Variants in CTNND1 observed in about 807,000 individuals in gnomAD.
CTNND1 encodes catenin delta 1.
A neutral mutation model predicts 112.1 loss-of-function variants in CTNND1; 16 were observed. The ratio of observed to expected loss-of-function variants is 0.14; its 90% CI spans 0.10 to 0.22. CTNND1 has a LOEUF of 0.22. Among genes scored for constraint, CTNND1 ranks in the 10% least tolerant of loss-of-function variants. The pLI, the probability that CTNND1 is intolerant of heterozygous loss-of-function variation, is 1.00. For missense variants in CTNND1, 1,008 were observed against 1,257.0 expected, an observed-to-expected ratio of 0.80 and a Z score of 3.00; for synonymous variants, 420 against 446.5, an observed-to-expected ratio of 0.94 and a Z score of 0.75.
intron 8 of CTNND1, chr11:57,804,114 G>A: frequency 4.5e-6 from 1 of 224,242 alleles, no homozygotes; most frequent in East Asian, 1.1e-4. Flanking sequence ...TCCTGGACTT[G>A]TGTGTGTCTA....
At chr11:57,800,673 T>G (rs1317757244) in intron 6 of CTNND1, among the ~76,000 whole-genome samples, 4 of 152,346 alleles carry the variant, frequency 2.6e-5, no homozygotes, top group Non-Finnish European at 5.9e-5. Flanking sequence ...AGGCAGGCCT[T>G]CTGCTCAGGG....
intron 20 of CTNND1, 23 bp from the exon 21 acceptor site, chr11:57,816,273 TC>T (rs1301938278): frequency 1.2e-6 from 2 of 1,613,420 alleles, no homozygotes; most frequent in Non-Finnish European, 1.7e-6. Context: ...ATTAACATTC[TC>T]TCTTTCTCTT....
At chr11:57,770,053 C>T (rs759673715) in intron 1 of CTNND1, among the ~76,000 whole-genome samples, 20 of 151,960 alleles carry the variant, frequency 1.3e-4, no homozygotes, top group South Asian at 6.2e-4. Flanking sequence ...TGGCTGGGCG[C>T]GGTGGTGGTT....
intron 3 of CTNND1, among the ~76,000 whole-genome samples, chr11:57,792,346 T>C (rs2060838199): frequency 6.6e-6 from 1 of 152,228 alleles, no homozygotes; most frequent in Non-Finnish European, 1.5e-5. Context: ...AAGTATCTTG[T>C]GTTTCCTCTG....
chr11:57,766,889 G>T (rs1046701096), intron 1 of CTNND1, among the ~76,000 whole-genome samples: 2 of 152,054 alleles, frequency 1.3e-5, no homozygotes, highest in African/African-American at 4.8e-5. Context: ...TCTCCAGTGA[G>T]CCCTTCAGTT....
intron 5 of CTNND1, 54 bp downstream of exon 5, chr11:57,795,783 A>G (rs1334204306): frequency 6.0e-6 from 9 of 1,487,974 alleles, no homozygotes; most frequent in East Asian, 2.4e-5. Flanking sequence ...TTTCTTCTCT[A>G]TTAGGGGAGG....
In CTNND1 at chr11:57,815,463, G is replaced by A. The variant is rs776562732; in HGVS notation, c.2771G>A (p.Gly924Asp). Residue 924 changes from glycine to aspartate, a missense_variant, in exon 19 of 21, where the codon GGC becomes GAC. Gly to Asp is a moderately conservative substitution (Grantham distance 94). This residue lies in a region of CTNND1 where 106 missense variants were observed against 116.2 expected (regional missense o/e 0.91). Coordinates refer to ENST00000399050, the MANE Select transcript of CTNND1 (RefSeq NM_001085458.2). ...NRTLDRSGDL[G>D]DMEPLKGTTP... ...ACACTGGATCGATCGGGGGATCTAGGCGACATGGAGCCATTGAAGGGAACA... is the reference window on the plus strand; with the variant it reads ...ACACTGGATCGATCGGGGGATCTAGACGACATGGAGCCATTGAAGGGAACA... 8.1e-6 allele frequency: 13 copies of A among 1,612,600 alleles called. No individual in the cohort carries two copies. The highest frequency in any genetic ancestry group is 1.1e-5 in the South Asian group (1 of 90,764).
Position 57,815,265 on chromosome 11 carries a change from A to G in CTNND1, c.2702-129A>G. The G allele has an allele frequency of 8.5e-6, 5 of 587,222 alleles. No individual in the cohort carries two copies. In the East Asian group the frequency reaches 1.5e-4, roughly 17 times the overall value. 36.4% of individuals were successfully genotyped at this position (587,222 alleles called of 1,614,324 possible). ...TTTAAGTCGGGGACCATCAGACTTT[A>G]ATGCCTTTGTGGAGCATTTGACAAG... On this transcript the variant is annotated intron_variant, in intron 18 of 20. Transcript: ENST00000399050.
At chr11:57,807,029 A>G (rs1379206694) in intron 12 of CTNND1, 46 bp downstream of exon 12, 1 of 1,425,820 alleles carries the variant, frequency 7.0e-7, no homozygotes, top group East Asian at 2.4e-5. Flanking sequence ...ACATAGTACA[A>G]AGATAAGATA....
At chr11:57,781,026 C>T (rs2059519546) in intron 1 of CTNND1, among the ~76,000 whole-genome samples, 1 of 152,160 alleles carries the variant, frequency 6.6e-6, no homozygotes, top group African/African-American at 2.4e-5. Context: ...GCAACCTCCA[C>T]CTCCTGGGTT....
At position 57,815,373 on chromosome 11, in the gene CTNND1, TA is replaced by T; in HGVS notation, c.2702-20del. On this transcript the variant is annotated intron_variant, in intron 18 of 20. Coordinates refer to ENST00000399050, the MANE Select transcript of CTNND1 (RefSeq NM_001085458.2). ...TAGAGGGGAATGTCATATTTCTGTG[TA>T]CTTTTTTTTTTTTAACCAGATAACA... 1 of 1,424,004 alleles carries T rather than the reference TA, an allele frequency of 7.0e-7. No individual in the cohort carries two copies. The highest frequency in any genetic ancestry group is 1.3e-5 in the South Asian group (1 of 79,596). The allele number at this position is 1,424,004 out of a possible 1,614,324, so 88.2% of individuals were successfully genotyped here. A position where few individuals can be genotyped will look rare whatever the true frequency, so the allele number is the denominator to read the frequency against.
Position 57,816,751 on chromosome 11 carries a change from T to C in CTNND1, c.*443T>C, listed in dbSNP as rs948896445. 2 of 164,750 alleles carry C rather than the reference T, an allele frequency of 1.2e-5. No homozygotes were observed. Among genetic ancestry groups the C allele is most frequent in the Non-Finnish European group, 2.6e-5 (2 of 76,342 alleles). The allele number at this position is 164,750 out of a possible 1,614,324, so 10.2% of individuals were successfully genotyped here. A position where few individuals can be genotyped will look rare whatever the true frequency, so the allele number is the denominator to read the frequency against. ...TGACGATTCTTAATCAAGATTTTTT[T>C]CCTGATGGGGAAGGGACTTTTATTT... On this transcript the variant is annotated 3_prime_UTR_variant, in exon 21 of 21. Transcript: ENST00000399050.
rs1364955735 is a variant in CTNND1, at chr11:57,802,180, T to C, written c.1404T>C (p.Leu468=). Residue 468 remains leucine (L), a synonymous_variant, in exon 7 of 21, where the codon CTT becomes CTC. Coordinates refer to ENST00000399050, the MANE Select transcript of CTNND1 (RefSeq NM_001085458.2). ...TTCGAAAGGCTCGTGATATGGACCT[T>C]ACTGAAGTTATTACCGGTGAGTTCT... is the stretch of plus-strand genomic sequence containing the variant. ...RLLRKARDMD[L]TEVITGTLWN... 6.2e-6 allele frequency: 10 copies of C among 1,611,536 alleles called. No individual in the cohort carries two copies. Among genetic ancestry groups the C allele is most frequent in the Non-Finnish European group, 8.5e-6 (10 of 1,178,286 alleles).
At chr11:57,814,127 C>T in intron 17 of CTNND1, 184 bp from the exon 18 acceptor site, 1 of 560,856 alleles carries the variant, frequency 1.8e-6, no homozygotes, top group South Asian at 2.0e-5. Flanking sequence ...CCAGCCTGAG[C>T]AACATAGTGA....
At chr11:57,793,496 T>G (rs2060995956) in intron 3 of CTNND1, among the ~76,000 whole-genome samples, 1 of 152,180 alleles carries the variant, frequency 6.6e-6, no homozygotes, top group Non-Finnish European at 1.5e-5. Flanking sequence ...CCATCTTGCT[T>G]CTTTCTTTAA....
rs2062594586 is a variant in CTNND1, at chr11:57,805,750, A to G, written c.1723-132A>G. The G allele has an allele frequency of 8.7e-6, 9 of 1,034,562 alleles. No individual in the cohort carries two copies. The South Asian group carries it at 1.5e-4, about 18-fold the overall frequency. 64.1% of individuals were successfully genotyped at this position (1,034,562 alleles called of 1,614,324 possible). A position where few individuals can be genotyped will look rare whatever the true frequency, so the allele number is the denominator to read the frequency against. On this transcript the variant is annotated intron_variant, in intron 9 of 20. Transcript: ENST00000399050. ...AAGAAGCCTGGAGCACTTAAGAGGC[A>G]TCCTGAGAAGTTATGGATTGGGTTA... is the stretch of plus-strand genomic sequence containing the variant.
chr11:57,792,434 T>G (rs972590282), intron 3 of CTNND1, among the ~76,000 whole-genome samples: 3 of 152,228 alleles, frequency 2.0e-5, no homozygotes, highest in African/African-American at 4.8e-5. Flanking sequence ...TGTGCGTGTG[T>G]GCGCGCGCAC....
intron 1 of CTNND1, among the ~76,000 whole-genome samples, chr11:57,765,271 T>C (rs546148055): frequency 6.6e-6 from 1 of 152,202 alleles, no homozygotes; most frequent in African/African-American, 2.4e-5. Context: ...CCTGTCTTAG[T>C]GTTTGGTACA....
At chr11:57,766,156 C>A (rs1057053104) in intron 1 of CTNND1, among the ~76,000 whole-genome samples, 1 of 152,110 alleles carries the variant, frequency 6.6e-6, no homozygotes, top group Non-Finnish European at 1.5e-5. Flanking sequence ...CCGTTCATTT[C>A]ATAATGAACT....
Sources: gnomAD v4.1 joint callset for allele counts (sites outside exome capture counted in the v4.1 genomes callset) on GRCh38, gnomAD v4.1.1 for gene constraint, gnomAD v4.1.1 regional missense constraint, MANE v1.5 for transcripts, NCBI Gene and HGNC (gene_info 2026-07-23, HGNC 2026-07-21) for gene names.